Variants in CDH13 observed in about 807,000 individuals in gnomAD.
CDH13 encodes cadherin 13, also known as cadherin-13.
Under a neutral mutation model 63.8 loss-of-function variants are expected in CDH13, and 24 were observed. The ratio of observed to expected loss-of-function variants is 0.38; its 90% CI spans 0.27 to 0.53. The LOEUF is 0.53. Ranked by LOEUF, CDH13 falls within the 20% of genes least tolerant of loss-of-function variation. The pLI is 0.85. For synonymous variants in CDH13, 503 were observed against 355.3 expected, an observed-to-expected ratio of 1.42 and a Z score of -4.67; for missense variants, 1,049 against 903.1, an observed-to-expected ratio of 1.16 and a Z score of -2.07.
intron 10 of CDH13, among the ~76,000 whole-genome samples, chr16:83,743,862 G>A (rs542723723): frequency 7.0e-6 from 1 of 142,758 alleles, no homozygotes; most frequent in Non-Finnish European, 1.5e-5. Flanking sequence ...CACTCTACTC[G>A]GCCCTGGGGG....
At chr16:82,646,264 A>G (rs1023063705) in intron 1 of CDH13, 1 of 152,262 alleles carries the variant, frequency 6.6e-6, no homozygotes, top group Non-Finnish European at 1.5e-5. Flanking sequence ...ATCTCGGCTC[A>G]CTGCAACCTC....
intron 4 of CDH13, among the ~76,000 whole-genome samples, chr16:83,154,285 A>G (rs79509479): frequency 0.015 from 2,292 of 152,250 alleles, 67 homozygotes; most frequent in African/African-American, 0.052. Context: ...GGCCAAGTGC[A>G]GTGGCTCACA....
chr16:83,090,147 G>A (rs1175807213), intron 3 of CDH13, among the ~76,000 whole-genome samples: 1 of 152,084 alleles, frequency 6.6e-6, no homozygotes, highest in African/African-American at 2.4e-5. Flanking sequence ...CCTACCCCAG[G>A]TCCCAGCTTC....
chr16:83,693,264 A>T (rs8044396), intron 10 of CDH13, among the ~76,000 whole-genome samples: 1 of 152,162 alleles, frequency 6.6e-6, no homozygotes, highest in African/African-American at 2.4e-5. Flanking sequence ...TAATATCTAG[A>T]TTATGGAGTC....
chr16:82,835,390 G>A (rs117192795), intron 1 of CDH13, among the ~76,000 whole-genome samples: 1,742 of 152,228 alleles, frequency 0.011, 19 homozygotes, highest in Non-Finnish European at 0.019. Flanking sequence ...CATAGCACCT[G>A]GATTTAAACT....
In CDH13 at chr16:83,015,707, A is replaced by G. The variant is rs1271635291; in HGVS notation, c.158-16303A>G. Reference sequence around the variant, plus strand: ...TATATATATATATATATATATATATATATATATATATATATAAAGAAAAAG... The same window carrying G: ...TATATATATATATATATATATATATGTATATATATATATATAAAGAAAAAG... On this transcript the variant is annotated intron_variant, in intron 2 of 13. Coordinates refer to ENST00000567109, the MANE Select transcript of CDH13 (RefSeq NM_001257.5). Among the ~76,000 whole-genome samples the G allele has an allele frequency of 1.1e-4, 14 of 121,760 alleles. 2 individuals are homozygous for G. The highest frequency in any genetic ancestry group is 5.4e-4 in the South Asian group (2 of 3,716). 79.9% of individuals were successfully genotyped at this position (121,760 alleles called of 152,430 possible).
chr16:83,425,293 T>C (rs1452234808), intron 6 of CDH13, among the ~76,000 whole-genome samples: 1 of 152,226 alleles, frequency 6.6e-6, no homozygotes, highest in Non-Finnish European at 1.5e-5. Context: ...CCAGCCAGTG[T>C]TTCAGCCACA....
At chr16:83,106,498 G>A (rs986695660) in intron 3 of CDH13, among the ~76,000 whole-genome samples, 3 of 152,132 alleles carry the variant, frequency 2.0e-5, no homozygotes, top group Non-Finnish European at 4.4e-5. Context: ...CCGAGATCAC[G>A]CCATTGCACT....
chr16:82,929,918 C>G (rs918437836), intron 2 of CDH13, among the ~76,000 whole-genome samples: 1 of 151,928 alleles, frequency 6.6e-6, no homozygotes, highest in African/African-American at 2.4e-5. Context: ...CAAACACATA[C>G]ACATAACAAC....
At chr16:82,797,727 A>C (rs1597618490) in intron 1 of CDH13, among the ~76,000 whole-genome samples, 1 of 151,848 alleles carries the variant, frequency 6.6e-6, no homozygotes, top group Non-Finnish European at 1.5e-5. Flanking sequence ...GATAGAATTC[A>C]GTGAACAATG....
chr16:83,692,383 C>G (rs1885743103), intron 10 of CDH13, among the ~76,000 whole-genome samples: 2 of 152,182 alleles, frequency 1.3e-5, no homozygotes, highest in South Asian at 2.1e-4. Flanking sequence ...CCGGCTTGCT[C>G]TTTCCATAGC....
chr16:82,734,239 CTG>C (rs2033553923), intron 1 of CDH13, among the ~76,000 whole-genome samples: 1 of 152,166 alleles, frequency 6.6e-6, no homozygotes, highest in African/African-American at 2.4e-5. Flanking sequence ...CTATCTGTGT[CTG>C]TTTTTGTGTT....
At chr16:83,492,481 G>T (rs1459347859) in intron 7 of CDH13, among the ~76,000 whole-genome samples, 4 of 152,050 alleles carry the variant, frequency 2.6e-5, no homozygotes, top group Non-Finnish European at 4.4e-5. Context: ...ATTTCTGTTG[G>T]GGTAATTTTC....
At chr16:83,717,127 G>C (rs1004534229) in intron 10 of CDH13, 1 of 152,360 alleles carries the variant, frequency 6.6e-6, no homozygotes, top group African/African-American at 2.4e-5. Flanking sequence ...AGGGGTAGTG[G>C]TGCACACCTG....
chr16:82,978,230 A>G (rs1909788586), intron 2 of CDH13, among the ~76,000 whole-genome samples: 1 of 152,236 alleles, frequency 6.6e-6, no homozygotes, highest in African/African-American at 2.4e-5. Context: ...CTTATGTTTA[A>G]AAGGGAAGCA....
At chr16:83,222,113 A>G (rs1322141718) in intron 5 of CDH13, among the ~76,000 whole-genome samples, 1 of 152,186 alleles carries the variant, frequency 6.6e-6, no homozygotes, top group Non-Finnish European at 1.5e-5. Flanking sequence ...ATCACACTCA[A>G]TTCTAGAACA....
intron 10 of CDH13, among the ~76,000 whole-genome samples, chr16:83,719,141 C>T (rs1406780022): frequency 6.6e-6 from 1 of 152,160 alleles, no homozygotes; most frequent in African/African-American, 2.4e-5. Flanking sequence ...CTCTTTCAGA[C>T]AAATTATTGC....
At chr16:83,632,664 G>A (rs575698210) in intron 8 of CDH13, among the ~76,000 whole-genome samples, 40 of 150,124 alleles carry the variant, frequency 2.7e-4, no homozygotes, top group African/African-American at 9.6e-4. Context: ...CTGGAAAGGG[G>A]TCCAGATCCA....
At chr16:83,606,783 G>A (rs947248802) in intron 8 of CDH13, among the ~76,000 whole-genome samples, 1 of 149,224 alleles carries the variant, frequency 6.7e-6, no homozygotes, top group African/African-American at 2.5e-5. Context: ...GTAATGACAT[G>A]ATATCAATTT....
Sources: allele counts gnomAD v4.1 joint callset (sites outside exome capture counted in the v4.1 genomes callset), GRCh38; gene constraint gnomAD v4.1.1; transcripts MANE v1.5; gene names NCBI Gene and HGNC (gene_info 2026-07-23, HGNC 2026-07-21).